The following GGACT variants were observed in gnomAD, a reference collection of about 807,000 sequenced individuals.
GGACT encodes gamma-glutamylamine cyclotransferase, also known as gamma-glutamylaminecyclotransferase.
For missense variants in GGACT, 241 were observed against 233.2 expected (o/e 1.03, Z -0.22); for synonymous variants, 118 against 115.3 (o/e 1.02, Z -0.15).
chr13:100,573,304 T>C (rs1329642907), intron 2 of GGACT, among the ~76,000 whole-genome samples: 1 of 152,170 alleles, frequency 6.6e-6, no homozygotes, highest in Non-Finnish European at 1.5e-5. Flanking sequence ...CCATTACCCC[T>C]TCCCCCATCC....
intron 2 of GGACT, among the ~76,000 whole-genome samples, chr13:100,570,429 T>G (rs1270645290): frequency 6.6e-6 from 1 of 152,166 alleles, no homozygotes; most frequent in Non-Finnish European, 1.5e-5. Flanking sequence ...GGGAAGCCCC[T>G]TATAAAACCA....
At position 100,567,608 on chromosome 13, in the gene GGACT, A is replaced by G. The variant is rs145998954; in HGVS notation, c.-11+16217T>C. On this transcript the variant is annotated intron_variant, in intron 2 of 2. Coordinates refer to ENST00000683975, the MANE Select transcript of GGACT (RefSeq NM_001195087.2). Reference sequence around the variant, plus strand: ...TGTCTTTGGGCTGCATCTGTCCACAACCCCTGCGCCAGCAGAATATATGCC... The same window carrying G: ...TGTCTTTGGGCTGCATCTGTCCACAGCCCCTGCGCCAGCAGAATATATGCC... Among the ~76,000 whole-genome samples, 260 of 152,218 alleles carry G rather than the reference A, an allele frequency of 1.7e-3. 7 individuals carry two copies. The East Asian group carries it at 0.029, about 17-fold the overall frequency.
intron 2 of GGACT, among the ~76,000 whole-genome samples, chr13:100,576,173 T>A (rs1041865513): frequency 2.0e-5 from 3 of 152,228 alleles, no homozygotes; most frequent in Non-Finnish European, 4.4e-5. Flanking sequence ...AACAGGTATA[T>A]GAATTTAATC....
rs1047858449 is a variant in GGACT, at chr13:100,531,083, G to A, written c.*1047C>T. 5 of 152,224 alleles carry A rather than the reference G, an allele frequency of 3.3e-5. No individual in the cohort carries two copies. The highest frequency in any genetic ancestry group is 1.9e-4 in the East Asian group (1 of 5,206). The allele number at this position is 152,224 out of a possible 1,614,324, so 9.4% of individuals were successfully genotyped here. Reference sequence around the variant, plus strand: ...AGTGAGCTCTCCCAACAGAGAATGAGGTTACTAAAGATCACAGCAGCTGCA... The same window carrying A: ...AGTGAGCTCTCCCAACAGAGAATGAAGTTACTAAAGATCACAGCAGCTGCA... On this transcript the variant is annotated 3_prime_UTR_variant, in exon 3 of 3. Coordinates refer to ENST00000683975, the MANE Select transcript of GGACT (RefSeq NM_001195087.2).
At chr13:100,542,537 T>C (rs1378381342) in intron 2 of GGACT, among the ~76,000 whole-genome samples, 1 of 152,208 alleles carries the variant, frequency 6.6e-6, no homozygotes, top group Non-Finnish European at 1.5e-5. Context: ...AATTTTACTT[T>C]GGGTTCCTAG....
At chr13:100,532,887 G>A (rs900091156) in intron 2 of GGACT, among the ~76,000 whole-genome samples, 4 of 152,346 alleles carry the variant, frequency 2.6e-5, no homozygotes, top group Middle Eastern at 3.4e-3. Context: ...TGGGCATGGT[G>A]TTTTTGGGTT....
At chr13:100,537,220 TCCTC>T (rs2153012550) in intron 2 of GGACT, 1 of 152,458 alleles carries the variant, frequency 6.6e-6, no homozygotes, top group African/African-American at 2.4e-5. Context: ...CCTAGCCCCT[TCCTC>T]TGAGAGACTT....
rs115540051 is a variant in GGACT at position 100,578,226 on chromosome 13, G to A, written c.-11+5599C>T. Among the ~76,000 whole-genome samples the A allele has an allele frequency of 2.3e-3, 356 of 152,316 alleles. 1 individual carries two copies. Among genetic ancestry groups the A allele is most frequent in the African/African-American group, 8.3e-3 (346 of 41,568 alleles). ...AGCTCTAATCTCAAACACTGCCAAT[G>A]GAGAGAGCACCTCCCTGGACACAAG... On this transcript the variant is annotated intron_variant, in intron 2 of 2. Transcript: ENST00000683975.
At chr13:100,571,886 C>T (rs1252772315) in intron 2 of GGACT, among the ~76,000 whole-genome samples, 1 of 152,150 alleles carries the variant, frequency 6.6e-6, no homozygotes, top group Non-Finnish European at 1.5e-5. Flanking sequence ...TAGAATATAT[C>T]ACAGATATAA....
At position 100,534,351 on chromosome 13, in the gene GGACT, G is replaced by C. The variant is rs1182543895; in HGVS notation, c.-10-1750C>G. ...CTTCCCAGTGTGGGGACACAGATTA[G>C]ACCTGGGGGGCATGCTGGGATAGGA... is the stretch of plus-strand genomic sequence containing the variant. On this transcript the variant is annotated intron_variant, in intron 2 of 2. Transcript: ENST00000683975. The surrounding 1 kb of genome is among the most constrained non-coding windows in gnomAD (Gnocchi z 4.9). Among the ~76,000 whole-genome samples, 2 of 152,200 alleles carry C rather than the reference G, an allele frequency of 1.3e-5. No individual in the cohort carries two copies. Among genetic ancestry groups the C allele is most frequent in the Admixed American group, 1.3e-4 (2 of 15,286 alleles).
chr13:100,562,384 C>G (rs1279037663), intron 2 of GGACT, among the ~76,000 whole-genome samples: 3 of 152,186 alleles, frequency 2.0e-5, no homozygotes, highest in Non-Finnish European at 4.4e-5. Context: ...AGGATCATGC[C>G]TGGCACCTCA....
intron 2 of GGACT, among the ~76,000 whole-genome samples, chr13:100,553,851 A>T (rs879692572): frequency 2.0e-5 from 3 of 151,496 alleles, no homozygotes; most frequent in Non-Finnish European, 4.4e-5. Flanking sequence ...CTCAAAAAAA[A>T]AAAAAAAAAG....
intron 2 of GGACT, among the ~76,000 whole-genome samples, chr13:100,582,047 T>C (rs56174044): frequency 0.021 from 3,137 of 152,318 alleles, 90 homozygotes; most frequent in East Asian, 0.15. Context: ...GCTCATGAAA[T>C]ATTTTATCTT....
chr13:100,577,310 G>A (rs1258272169), intron 2 of GGACT, among the ~76,000 whole-genome samples: 1 of 151,962 alleles, frequency 6.6e-6, no homozygotes, highest in Admixed American at 6.6e-5. Context: ...CAGCTACTCG[G>A]GAGGCTAAGG....
chr13:100,547,137 C>T (rs1415468143), intron 2 of GGACT, among the ~76,000 whole-genome samples: 1 of 152,220 alleles, frequency 6.6e-6, no homozygotes, highest in East Asian at 1.9e-4. Context: ...GCTCTGCCAC[C>T]TCTTCCTTCC....
At chr13:100,555,143 T>C (rs1408054853) in intron 2 of GGACT, among the ~76,000 whole-genome samples, 1 of 152,162 alleles carries the variant, frequency 6.6e-6, no homozygotes, top group African/African-American at 2.4e-5. Flanking sequence ...ACCAAACAAT[T>C]TTCCAGAAAA....
rs1282383692 is a variant in GGACT at position 100,531,572 on chromosome 13, C to T, written c.*558G>A. 1 of 152,310 alleles carries T rather than the reference C, an allele frequency of 6.6e-6. No homozygotes were observed. The highest frequency in any genetic ancestry group is 2.4e-5 in the African/African-American group (1 of 41,450). 9.4% of individuals were successfully genotyped at this position (152,310 alleles called of 1,614,324 possible). A position where few individuals can be genotyped will look rare whatever the true frequency, so the allele number is the denominator to read the frequency against. Reference sequence around the variant, plus strand: ...TTTTATATCTGATTTCCCAAAACATCGACTTCAAATTTAAATAATCTTTAA... The same window carrying T: ...TTTTATATCTGATTTCCCAAAACATTGACTTCAAATTTAAATAATCTTTAA... On this transcript the variant is annotated 3_prime_UTR_variant, in exon 3 of 3. Coordinates refer to ENST00000683975, the MANE Select transcript of GGACT (RefSeq NM_001195087.2).
At chr13:100,585,437 C>T (rs1875537779) in intron 1 of GGACT, among the ~76,000 whole-genome samples, 1 of 152,124 alleles carries the variant, frequency 6.6e-6, no homozygotes, top group Admixed American at 6.5e-5. Flanking sequence ...TGGTATCTGG[C>T]TCTTCACAGA....
At chr13:100,572,469 T>C (rs1395679808) in intron 2 of GGACT, among the ~76,000 whole-genome samples, 2 of 152,262 alleles carry the variant, frequency 1.3e-5, no homozygotes, top group East Asian at 1.9e-4. Context: ...TCAAGGTTGG[T>C]TGCACAACAA....
Sources: gnomAD v4.1 joint callset for allele counts (sites outside exome capture counted in the v4.1 genomes callset) on GRCh38, gnomAD v4.1.1 for gene constraint, Gnocchi (gnomAD v3.1) non-coding constraint, MANE v1.5 for transcripts, NCBI Gene and HGNC (gene_info 2026-07-23, HGNC 2026-07-21) for gene names.